The following TBX2 variants were observed in gnomAD, a reference collection of about 807,000 sequenced individuals.
The protein encoded by TBX2 is T-box transcription factor 2.
In TBX2, 19 loss-of-function variants were observed where a neutral mutation model predicts 48.4. The ratio of observed to expected loss-of-function variants is 0.39; its 90% CI spans 0.27 to 0.58. The LOEUF (loss-of-function observed/expected upper bound fraction) is 0.58. Among genes scored for constraint, TBX2 ranks in the 20% least tolerant of loss-of-function variants. TBX2 has a pLI of 0.54. For synonymous variants in TBX2, 522 were observed against 459.7 expected (o/e 1.14, Z -1.73); for missense variants, 994 against 1,006.5 (o/e 0.99, Z 0.17).
chr17:61,402,937 A>G (rs2890003), intron 2 of TBX2, 124 bp from the exon 3 acceptor site: 2 of 925,490 alleles, frequency 2.2e-6, no homozygotes, highest in Non-Finnish European at 2.8e-6. Flanking sequence ...CGATAGAGAG[A>G]GAGAGAGAGA....
At position 61,400,610 on chromosome 17, in the gene TBX2, G is replaced by T. The variant is rs1043737270; in HGVS notation, c.395+39G>T. 1.3e-6 allele frequency: 2 copies of T among 1,518,920 alleles called. No homozygotes were observed. Among genetic ancestry groups the T allele is most frequent in the East Asian group, 2.5e-5 (1 of 39,898 alleles). The allele number at this position is 1,518,920 out of a possible 1,614,324, so 94.1% of individuals were successfully genotyped here. A position where few individuals can be genotyped will look rare whatever the true frequency, so the allele number is the denominator to read the frequency against. On this transcript the variant is annotated intron_variant, in intron 1 of 6. Transcript: ENST00000240328. This position sits in a 1 kb window ranked among gnomAD's most constrained non-coding sequence, Gnocchi z 9.2. Reference sequence around the variant, plus strand: ...CCGGCTGGAAGGCGCGCGGGCGGGCGGGCGGGCTGGGGCACGGGACTGCAC... The same window carrying T: ...CCGGCTGGAAGGCGCGCGGGCGGGCTGGCGGGCTGGGGCACGGGACTGCAC...
Position 61,405,769 on chromosome 17 carries a change from C to T in TBX2, c.1619C>T (p.Ala540Val), listed in dbSNP as rs2060286429. 2 of 1,333,142 alleles carry T rather than the reference C, an allele frequency of 1.5e-6. No individual in the cohort carries two copies. The highest frequency in any genetic ancestry group is 3.9e-5 in the Admixed American group (1 of 25,338). The allele number at this position is 1,333,142 out of a possible 1,614,324, so 82.6% of individuals were successfully genotyped here. A position where few individuals can be genotyped will look rare whatever the true frequency, so the allele number is the denominator to read the frequency against. Residue 540 changes from alanine (A) to valine (V), a missense_variant, in exon 6 of 7, where the codon GCG (alanine) becomes GTG (valine). This residue lies in a region of TBX2 where 639 missense variants were observed against 613.2 expected (regional missense o/e 1.04). Coordinates refer to ENST00000240328, the MANE Select transcript of TBX2 (RefSeq NM_005994.4). ...CTGGACGCAGGCGGGCTGGGTCCCGCGGCCAGCGCAGCAAGCACCGCCGCG... is the reference window on the plus strand; with the variant it reads ...CTGGACGCAGGCGGGCTGGGTCCCGTGGCCAGCGCAGCAAGCACCGCCGCG... The part of the protein sequence containing the change: ...AGLDAGGLGP[A>V]ASAASTAAPF...
intron 6 of TBX2, 31 bp downstream of exon 6, chr17:61,405,867 C>T (rs746350947): frequency 1.6e-6 from 2 of 1,285,420 alleles, no homozygotes; most frequent in Non-Finnish European, 2.0e-6. Context: ...GCAGCGCCAG[C>T]GAGGGAGAAG....
chr17:61,405,398 G>C lies in TBX2; in HGVS notation c.1248G>C (p.Pro416=). 1 of 1,534,098 alleles carries C rather than the reference G, an allele frequency of 6.5e-7. No individual in the cohort carries two copies. Among genetic ancestry groups the C allele is most frequent in the Non-Finnish European group, 8.7e-7 (1 of 1,144,260 alleles). The part of the protein sequence containing the change: ...KEPAESGGDG[P]FGLRSLEKER... ...CGGCCGAGAGCGGCGGGGACGGCCC[G>C]TTCGGCCTGAGGAGCCTGGAGAAGG... Residue 416 remains proline, a synonymous_variant, in exon 6 of 7, where the codon CCG becomes CCC. Coordinates refer to ENST00000240328, the MANE Select transcript of TBX2 (RefSeq NM_005994.4).
Position 61,400,190 on chromosome 17 carries a change from C to A in TBX2, c.14C>A (p.Ala5Glu), listed in dbSNP as rs1291228442. 17 of 1,143,790 alleles carry A rather than the reference C, an allele frequency of 1.5e-5. No homozygotes were observed. The highest frequency in any genetic ancestry group is 7.2e-5 in the East Asian group (1 of 13,874). The allele number at this position is 1,143,790 out of a possible 1,614,324, so 70.9% of individuals were successfully genotyped here. A position where few individuals can be genotyped will look rare whatever the true frequency, so the allele number is the denominator to read the frequency against. The change falls in exon 1 of 7, where the codon GCG becomes GAG. Residue 5 changes from alanine (A) to glutamate (E), a missense_variant. Around this residue, in one of 5 missense-constraint regions of TBX2, gnomAD observed 165 missense variants for 136.8 expected, o/e 1.21. Transcript: ENST00000240328. The surrounding 1 kb of genome is among the most constrained non-coding windows in gnomAD (Gnocchi z 9.2). ...CCGGATGTCCCGATGAGAGAGCCGGCGCTGGCGGCCAGCGCCATGGCTTAC... is the reference window on the plus strand; with the variant it reads ...CCGGATGTCCCGATGAGAGAGCCGGAGCTGGCGGCCAGCGCCATGGCTTAC... MREP[A>E]LAASAMAYHP... is the part of the protein sequence containing the mutation.
Position 61,400,662 on chromosome 17 carries a change from G to T in TBX2, c.395+91G>T, listed in dbSNP as rs2060260576. On this transcript the variant is annotated intron_variant, in intron 1 of 6. Transcript: ENST00000240328. The surrounding 1 kb of genome is among the most constrained non-coding windows in gnomAD (Gnocchi z 9.2). ...GATCAGAGCAGAGCTGGGGACTCCC[G>T]GCTCCCGGCTCCCGGCTCCAGGTTC... The T allele has an allele frequency of 2.6e-6, 3 of 1,161,090 alleles. No individual in the cohort carries two copies. The highest frequency in any genetic ancestry group is 2.3e-6 in the Non-Finnish European group (2 of 852,644). The allele number at this position is 1,161,090 out of a possible 1,614,324, so 71.9% of individuals were successfully genotyped here.
intron 5 of TBX2, 152 bp from the exon 6 acceptor site, chr17:61,405,050 G>C: frequency 6.8e-7 from 1 of 1,467,944 alleles, no homozygotes; most frequent in Admixed American, 2.0e-5. Context: ...TAAATCTGGG[G>C]TCTTGGATTA....
intron 5 of TBX2, 26 bp from the exon 6 acceptor site, chr17:61,405,176 G>C: frequency 1.4e-6 from 2 of 1,475,214 alleles, no homozygotes; most frequent in Non-Finnish European, 1.8e-6. Flanking sequence ...CCAGGCCCCT[G>C]TAATCCGCGC....
intron 2 of TBX2, among the ~76,000 whole-genome samples, chr17:61,402,598 G>T (rs1005034522): frequency 6.6e-6 from 1 of 152,144 alleles, no homozygotes; most frequent in Admixed American, 6.5e-5. Context: ...AGCCCCCGAA[G>T]GTTGGAATCT....
At position 61,405,351 on chromosome 17, in the gene TBX2, A is replaced by T. The variant is rs1398672049; in HGVS notation, c.1201A>T (p.Ser401Cys). Residue 401 changes from serine (S) to cysteine (C), a missense_variant, in exon 6 of 7, where the codon AGT becomes TGT. Ser to Cys is a moderately radical substitution (Grantham distance 112). Around this residue, in one of 5 missense-constraint regions of TBX2, gnomAD observed 639 missense variants for 613.2 expected, o/e 1.04. Transcript: ENST00000240328. ...TEPERARERR[S>C]PERGKEPAES... ...ACCCGAGCGCGCCCGGGAGCGGCGTAGTCCCGAGAGGGGCAAGGAGCCGGC... is the reference window on the plus strand; with the variant it reads ...ACCCGAGCGCGCCCGGGAGCGGCGTTGTCCCGAGAGGGGCAAGGAGCCGGC... 6.5e-7 allele frequency: 1 copy of T among 1,546,470 alleles called. No homozygotes were observed. The highest frequency in any genetic ancestry group is 1.2e-5 in the South Asian group (1 of 84,582).
chr17:61,404,985 C>T, intron 5 of TBX2: 1 of 1,268,446 alleles, frequency 7.9e-7, no homozygotes, highest in Non-Finnish European at 1.1e-6. Context: ...CCCTTGGGCG[C>T]CGTGTAATTC....
At chr17:61,404,793 A>G (rs1447275349) in intron 5 of TBX2, 24 bp downstream of exon 5, 3 of 1,507,388 alleles carry the variant, frequency 2.0e-6, no homozygotes, top group Non-Finnish European at 2.7e-6. Context: ...CGGAGGAGGG[A>G]CAGGGAGGTG....
intron 3 of TBX2, 124 bp from the exon 4 acceptor site, chr17:61,404,297 T>C: frequency 8.1e-7 from 1 of 1,228,292 alleles, no homozygotes. Context: ...CCCAGGCGGG[T>C]GGGTACCAAG....
Position 61,404,709 on chromosome 17 carries a change from C to T in TBX2, c.991C>T (p.Arg331Trp), listed in dbSNP as rs770492149. The T allele has an allele frequency of 3.4e-5, 53 of 1,564,484 alleles. No individual in the cohort carries two copies. The Admixed American group carries it at 8.2e-4, about 24-fold the overall frequency. The change falls in exon 5 of 7, where the codon CGG (arginine) becomes TGG (tryptophan). Residue 331 changes from arginine to tryptophan, a missense_variant. Around this residue, in one of 5 missense-constraint regions of TBX2, gnomAD observed 639 missense variants for 613.2 expected, o/e 1.04. Coordinates refer to ENST00000240328, the MANE Select transcript of TBX2 (RefSeq NM_005994.4). Reference protein sequence around the residue: ...DASSCDPPPAREPPTSPGAAP... With the variant: ...DASSCDPPPAWEPPTSPGAAP... Reference sequence around the variant, plus strand: ...CTCGTCGTGCGACCCTCCCCCCGCGCGGGAACCACCCACCTCCCCGGGCGC... The same window carrying T: ...CTCGTCGTGCGACCCTCCCCCCGCGTGGGAACCACCCACCTCCCCGGGCGC...
chr17:61,404,524 T>C (rs772437978), intron 4 of TBX2, 27 bp downstream of exon 4: 6 of 1,597,102 alleles, frequency 3.8e-6, no homozygotes, highest in South Asian at 3.4e-5. Context: ...AGCAGCCCTG[T>C]GGCGGGTGCC....
chr17:61,404,153 T>C (rs1375496911), intron 3 of TBX2, among the ~76,000 whole-genome samples: 1 of 149,090 alleles, frequency 6.7e-6, no homozygotes, highest in Non-Finnish European at 1.5e-5. Context: ...GTTCCGACAC[T>C]GTGGCACTGC....
Position 61,400,766 on chromosome 17 carries a change from A to T in TBX2, c.395+195A>T, listed in dbSNP as rs1439441220. ...TTGGCACCGGAGCGATTTTTTTTTA[A>T]AACAAAAACGCTAAAATCCTCCGAA... On this transcript the variant is annotated intron_variant, in intron 1 of 6. Coordinates refer to ENST00000240328, the MANE Select transcript of TBX2 (RefSeq NM_005994.4). The surrounding 1 kb of genome is among the most constrained non-coding windows in gnomAD (Gnocchi z 9.2). Among the ~76,000 whole-genome samples the T allele has an allele frequency of 6.6e-6, 1 of 152,092 alleles. No individual in the cohort carries two copies. Among genetic ancestry groups the T allele is most frequent in the Non-Finnish European group, 1.5e-5 (1 of 68,000 alleles).
At position 61,405,469 on chromosome 17, in the gene TBX2, C is replaced by T; in HGVS notation, c.1319C>T (p.Ala440Val). 1 of 1,577,268 alleles carries T rather than the reference C, an allele frequency of 6.3e-7. No individual in the cohort carries two copies. Among genetic ancestry groups the T allele is most frequent in the Non-Finnish European group, 8.6e-7 (1 of 1,165,266 alleles). ...RRKDEGRKEA[A>V]EGKEQGLAPL... ...AAGGACGAGGGGCGCAAGGAGGCGG[C>T]CGAGGGCAAGGAGCAGGGCCTGGCG... The change falls in exon 6 of 7, where the codon GCC becomes GTC. Residue 440 changes from alanine to valine, a missense_variant. Around this residue, in one of 5 missense-constraint regions of TBX2, gnomAD observed 639 missense variants for 613.2 expected, o/e 1.04. Coordinates refer to ENST00000240328, the MANE Select transcript of TBX2 (RefSeq NM_005994.4).
Position 61,400,241 on chromosome 17 carries a change from C to T in TBX2, c.65C>T (p.Ala22Val). Residue 22 changes from alanine (A) to valine (V), a missense_variant, in exon 1 of 7, where the codon GCC becomes GTC. Around this residue, in one of 5 missense-constraint regions of TBX2, gnomAD observed 165 missense variants for 136.8 expected, o/e 1.21. Transcript: ENST00000240328. This position sits in a 1 kb window ranked among gnomAD's most constrained non-coding sequence, Gnocchi z 9.2. ...CACCCGTTCCACGCGCCACGGCCCG[C>T]CGACTTCCCCATGTCCGCCTTTCTG... ...AYHPFHAPRP[A>V]DFPMSAFLAA... The T allele has an allele frequency of 8.2e-7, 1 of 1,219,298 alleles. No individual in the cohort carries two copies. The highest frequency in any genetic ancestry group is 1.6e-5 in the African/African-American group (1 of 61,910). The allele number at this position is 1,219,298 out of a possible 1,614,324, so 75.5% of individuals were successfully genotyped here. A position where few individuals can be genotyped will look rare whatever the true frequency, so the allele number is the denominator to read the frequency against.
Sources: gnomAD v4.1 joint callset for allele counts (sites outside exome capture counted in the v4.1 genomes callset) on GRCh38, gnomAD v4.1.1 for gene constraint, gnomAD v4.1.1 regional missense constraint, Gnocchi (gnomAD v3.1) non-coding constraint, MANE v1.5 for transcripts, NCBI Gene and HGNC (gene_info 2026-07-23, HGNC 2026-07-21) for gene names.